The following SEMA6D variants were observed in gnomAD, a reference collection of about 807,000 sequenced individuals.
The protein encoded by SEMA6D is semaphorin 6D.
In SEMA6D, 35 loss-of-function variants were observed where a neutral mutation model predicts 106.6. The ratio of observed to expected loss-of-function variants is 0.33; its 90% CI spans 0.25 to 0.44. The LOEUF is 0.44. SEMA6D is among the 20% of genes least tolerant of loss of function. The pLI is 1.00. For synonymous variants in SEMA6D, 499 were observed against 487.7 expected, an observed-to-expected ratio of 1.02 and a Z score of -0.31; for missense variants, 1,185 against 1,345.9, an observed-to-expected ratio of 0.88 and a Z score of 1.87.
chr15:47,363,914 A>G (rs2038910416), intron 1 of SEMA6D, among the ~76,000 whole-genome samples: 1 of 152,086 alleles, frequency 6.6e-6, no homozygotes, highest in East Asian at 1.9e-4. Flanking sequence ...GAGAGAGAGA[A>G]ATGCAAGCAG....
intron 2 of SEMA6D, among the ~76,000 whole-genome samples, chr15:47,422,450 G>T (rs2041203260): frequency 6.6e-6 from 1 of 151,836 alleles, no homozygotes; most frequent in South Asian, 2.1e-4. Context: ...ATGGCAAAAA[G>T]AAAAAGAGAA....
At chr15:47,693,572 A>G (rs1354295192) in intron 4 of SEMA6D, among the ~76,000 whole-genome samples, 2 of 152,132 alleles carry the variant, frequency 1.3e-5, no homozygotes, top group Admixed American at 1.3e-4. Flanking sequence ...TCCTGCCTGC[A>G]TATTATTAGA....
chr15:47,268,894 T>C (rs558354669), intron 1 of SEMA6D, among the ~76,000 whole-genome samples: 7 of 152,290 alleles, frequency 4.6e-5, no homozygotes, highest in African/African-American at 1.7e-4. Flanking sequence ...TTTTTGCTTT[T>C]TTTCCCTTTA....
chr15:47,417,355 T>C (rs1434247225), intron 2 of SEMA6D, among the ~76,000 whole-genome samples: 1 of 151,876 alleles, frequency 6.6e-6, no homozygotes, highest in Non-Finnish European at 1.5e-5. Flanking sequence ...TGACATACCA[T>C]CCCATGGTTA....
At chr15:47,623,711 T>G (rs2136896) in intron 4 of SEMA6D, among the ~76,000 whole-genome samples, 2,649 of 152,208 alleles carry the variant, frequency 0.017, 79 homozygotes, top group African/African-American at 0.061. Context: ...CTCAATAAAA[T>G]ATTTTCAAGG....
chr15:47,613,369 C>G (rs1449923688), intron 4 of SEMA6D, among the ~76,000 whole-genome samples: 1 of 152,148 alleles, frequency 6.6e-6, no homozygotes, highest in Non-Finnish European at 1.5e-5. Context: ...CTGTATGCAT[C>G]AATTTCCTTC....
At chr15:47,373,562 T>G (rs1374973228) in intron 1 of SEMA6D, among the ~76,000 whole-genome samples, 1 of 152,078 alleles carries the variant, frequency 6.6e-6, no homozygotes, top group Non-Finnish European at 1.5e-5. Context: ...GAAAAAACAG[T>G]GTTCCCCTAT....
chr15:47,695,104 G>C (rs544071904), intron 4 of SEMA6D, among the ~76,000 whole-genome samples: 1 of 152,302 alleles, frequency 6.6e-6, no homozygotes, highest in East Asian at 1.9e-4. Flanking sequence ...TAGCCACTAG[G>C]TGGTCCATGC....
At chr15:47,588,447 G>A (rs1276032436) in intron 3 of SEMA6D, among the ~76,000 whole-genome samples, 1 of 152,158 alleles carries the variant, frequency 6.6e-6, no homozygotes, top group Admixed American at 6.5e-5. Context: ...CACAGGAGCT[G>A]CCCGCTCCTG....
chr15:47,230,860 T>TTA (rs1398699983), intron 1 of SEMA6D, among the ~76,000 whole-genome samples: 2 of 152,026 alleles, frequency 1.3e-5, no homozygotes, highest in African/African-American at 2.4e-5. Flanking sequence ...CCCTGTGTTT[T>TTA]TATATATAAA....
intron 3 of SEMA6D, among the ~76,000 whole-genome samples, chr15:47,567,985 G>A (rs1485910184): frequency 6.6e-6 from 1 of 152,094 alleles, no homozygotes; most frequent in African/African-American, 2.4e-5. Flanking sequence ...ATTAGTAATA[G>A]AGAGTTCCTA....
At chr15:47,704,008 T>C (rs908552871) in intron 4 of SEMA6D, among the ~76,000 whole-genome samples, 3 of 152,358 alleles carry the variant, frequency 2.0e-5, no homozygotes, top group African/African-American at 7.2e-5. Context: ...TATTTTGATA[T>C]ATAGCTTTAC....
chr15:47,526,433 G>T (rs1414764539), intron 3 of SEMA6D, among the ~76,000 whole-genome samples: 1 of 152,126 alleles, frequency 6.6e-6, no homozygotes, highest in Admixed American at 6.5e-5. Context: ...CTAGTTTTAA[G>T]GTAGGCCATG....
chr15:47,267,897 T>C (rs965447006), intron 1 of SEMA6D, among the ~76,000 whole-genome samples: 1 of 152,160 alleles, frequency 6.6e-6, no homozygotes, highest in Admixed American at 6.6e-5. Context: ...TTGCTTTTTT[T>C]CTATTAAAGA....
rs968708826 is a variant in SEMA6D at position 47,350,061 on chromosome 15, T to A, written c.-238-62332T>A. Among the ~76,000 whole-genome samples the A allele has an allele frequency of 2.0e-5, 3 of 152,178 alleles. No individual in the cohort carries two copies. The South Asian group carries it at 6.2e-4, about 32-fold the overall frequency. On this transcript the variant is annotated intron_variant, in intron 1 of 19. Transcript: ENST00000558014. ...ATTTGTTAAACATCACTGGAAAAAT[T>A]TTTGTGTGTGCACATATATGTATGT...
chr15:47,382,545 C>A (rs1273028768), intron 1 of SEMA6D, among the ~76,000 whole-genome samples: 1 of 152,094 alleles, frequency 6.6e-6, no homozygotes, highest in Non-Finnish European at 1.5e-5. Flanking sequence ...TGTGTTTATA[C>A]AAAAAGAGAT....
chr15:47,255,444 T>C (rs1352101885), intron 1 of SEMA6D, among the ~76,000 whole-genome samples: 1 of 152,142 alleles, frequency 6.6e-6, no homozygotes, highest in African/African-American at 2.4e-5. Flanking sequence ...ATTTTTGCTT[T>C]GATCTTTGCT....
chr15:47,318,186 GA>G (rs1446179538), intron 1 of SEMA6D, among the ~76,000 whole-genome samples: 1 of 150,886 alleles, frequency 6.6e-6, no homozygotes, highest in Non-Finnish European at 1.5e-5. Context: ...ATAAATTTTG[GA>G]TACTGAATTT....
At chr15:47,716,212 C>T (rs899987617), upstream of SEMA6D, among the ~76,000 whole-genome samples, 6 of 152,204 alleles carry the variant, frequency 3.9e-5, no homozygotes, top group African/African-American at 1.4e-4. Context: ...TTTTAAAAGA[C>T]TCCTCATCCT....
Sources: allele counts gnomAD v4.1 joint callset (sites outside exome capture counted in the v4.1 genomes callset), GRCh38; gene constraint gnomAD v4.1.1; transcripts MANE v1.5; gene names NCBI Gene and HGNC (gene_info 2026-07-23, HGNC 2026-07-21).